Variants in CDH2 observed in about 807,000 individuals in gnomAD.
CDH2 encodes the protein cadherin 2, also known as cadherin-2.
CDH2 carries 17 observed loss-of-function variants against 92.0 expected under a neutral mutation model. The ratio of observed to expected loss-of-function variants is 0.18; its 90% CI spans 0.13 to 0.28. The LOEUF (loss-of-function observed/expected upper bound fraction) is 0.28. Ranked by LOEUF, CDH2 falls within the 10% of genes least tolerant of loss-of-function variation. The pLI, the probability that CDH2 is intolerant of heterozygous loss-of-function variation, is 1.00. For synonymous variants in CDH2, 419 were observed against 415.9 expected (o/e 1.01, Z -0.09); for missense variants, 862 against 1,133.1 (o/e 0.76, Z 3.44).
chr18:28,091,819 C>T (rs1033946514), intron 2 of CDH2, among the ~76,000 whole-genome samples: 13 of 152,074 alleles, frequency 8.5e-5, no homozygotes, highest in African/African-American at 3.1e-4. Flanking sequence ...CATCCCCCCA[C>T]CCCACCACCG....
chr18:28,006,108 G>A (rs2012909356), intron 5 of CDH2, 115 bp from the exon 6 acceptor site: 1 of 803,550 alleles, frequency 1.2e-6, no homozygotes, highest in African/African-American at 1.7e-5. Flanking sequence ...AAAAACAAAA[G>A]CGGTTCTTCC....
intron 2 of CDH2, among the ~76,000 whole-genome samples, chr18:28,080,910 C>T (rs983524593): frequency 2.0e-5 from 3 of 152,172 alleles, no homozygotes; most frequent in African/African-American, 7.2e-5. Context: ...CACCTATTAA[C>T]TACTGGAAAG....
At chr18:27,950,172 T>C (rs970052519), downstream of CDH2, among the ~76,000 whole-genome samples, 1 of 152,086 alleles carries the variant, frequency 6.6e-6, no homozygotes, top group Non-Finnish European at 1.5e-5. Context: ...AGTGAATCAA[T>C]AGAAAAGTAA....
At chr18:27,943,261 T>A (rs903056867) in intron 6 of CDH2, among the ~76,000 whole-genome samples, 1 of 152,186 alleles carries the variant, frequency 6.6e-6, no homozygotes, top group African/African-American at 2.4e-5. Context: ...CTTCTAGAGA[T>A]AAGTAAGTGT....
At chr18:28,147,537 T>C (rs2016054221) in intron 2 of CDH2, 136 bp downstream of exon 2, 1 of 488,860 alleles carries the variant, frequency 2.0e-6, no homozygotes, top group Admixed American at 3.8e-5. Context: ...TAAAATAAAG[T>C]CCCTACAGTC....
chr18:28,130,369 A>C (rs2015746576), intron 2 of CDH2, among the ~76,000 whole-genome samples: 1 of 152,224 alleles, frequency 6.6e-6, no homozygotes, highest in African/African-American at 2.4e-5. Context: ...TTATTGCTAT[A>C]ATTTAGAAAG....
intron 2 of CDH2, among the ~76,000 whole-genome samples, chr18:28,016,445 GAACA>G (rs1241483058): frequency 6.7e-6 from 1 of 149,858 alleles, no homozygotes; most frequent in Admixed American, 6.8e-5. Context: ...ACAAACAAAT[GAACA>G]AACAAAACCC....
chr18:27,942,829 T>C (rs922898726), intron 6 of CDH2, among the ~76,000 whole-genome samples: 9 of 152,150 alleles, frequency 5.9e-5, no homozygotes, highest in African/African-American at 2.2e-4. Flanking sequence ...AGATTGTCCA[T>C]AGTGGCTGTG....
chr18:27,950,126 A>C (rs1909378192), downstream of CDH2, among the ~76,000 whole-genome samples: 1 of 152,128 alleles, frequency 6.6e-6, no homozygotes, highest in Admixed American at 6.5e-5. Context: ...CTGGCATTTA[A>C]TGATTAGAAA....
intron 2 of CDH2, among the ~76,000 whole-genome samples, chr18:28,108,027 A>ATT (rs1202604420): frequency 6.6e-6 from 1 of 152,184 alleles, no homozygotes; most frequent in African/African-American, 2.4e-5. Context: ...ATTAAACCCA[A>ATT]TTATCTGGCG....
At chr18:28,036,605 G>C (rs914270290) in intron 2 of CDH2, 8 of 1,193,720 alleles carry the variant, frequency 6.7e-6, no homozygotes, top group Non-Finnish European at 9.8e-6. Flanking sequence ...AGTCATAATA[G>C]GTATGTCAGA....
rs543110192 is a variant in CDH2, at chr18:28,074,794, A to G, written c.173-60885T>C. On this transcript the variant is annotated intron_variant, in intron 2 of 15. Coordinates refer to ENST00000269141, the MANE Select transcript of CDH2 (RefSeq NM_001792.5). ...GGCTAAAAATTATGGGGTTCAGCCT[A>G]ATCATTAAAAAAAAATCTTGTCAAA... is the stretch of plus-strand genomic sequence containing the variant. 2.6e-5 allele frequency among the ~76,000 whole-genome samples: 4 copies of G among 152,020 alleles called. No individual in the cohort carries two copies. In the South Asian group the frequency reaches 8.3e-4, roughly 32 times the overall value.
intron 2 of CDH2, among the ~76,000 whole-genome samples, chr18:28,039,390 G>GA (rs766858960): frequency 1.3e-5 from 2 of 152,110 alleles, no homozygotes; most frequent in Non-Finnish European, 2.9e-5. Context: ...GGACTTGGGA[G>GA]ACTGGTATTG....
At chr18:27,945,577 A>G (rs1422414549) in intron 6 of CDH2, among the ~76,000 whole-genome samples, 1 of 152,104 alleles carries the variant, frequency 6.6e-6, no homozygotes, top group Non-Finnish European at 1.5e-5. Flanking sequence ...AAATCAAAAC[A>G]TAAAGCTACA....
chr18:27,991,499 T>C (rs1040536725), intron 9 of CDH2, among the ~76,000 whole-genome samples: 8 of 152,180 alleles, frequency 5.3e-5, no homozygotes, highest in African/African-American at 1.9e-4. Context: ...ACACGAAACC[T>C]TCCCCTGATG....
chr18:27,957,960 G>T (rs1264093687), intron 15 of CDH2, among the ~76,000 whole-genome samples: 1 of 152,012 alleles, frequency 6.6e-6, no homozygotes, highest in Non-Finnish European at 1.5e-5. Context: ...ACTCCTAAAA[G>T]GTAATTTACC....
intron 2 of CDH2, among the ~76,000 whole-genome samples, chr18:28,072,167 C>T (rs190504418): frequency 1.8e-4 from 28 of 152,196 alleles, no homozygotes; most frequent in Admixed American, 9.2e-4. Flanking sequence ...CATTTTCGTG[C>T]GTTTTCCTTA....
intron 2 of CDH2, among the ~76,000 whole-genome samples, chr18:28,142,339 G>A (rs2015967452): frequency 6.6e-6 from 1 of 151,824 alleles, no homozygotes; most frequent in African/African-American, 2.4e-5. Flanking sequence ...ACTACAAAAG[G>A]ACTTTATAGA....
intron 2 of CDH2, among the ~76,000 whole-genome samples, chr18:28,090,990 T>C (rs528124900): frequency 1.3e-4 from 20 of 152,304 alleles, no homozygotes; most frequent in Non-Finnish European, 2.6e-4. Context: ...TACAAGATAA[T>C]ACCTAATATG....
Sources: gnomAD v4.1 joint callset for allele counts (sites outside exome capture counted in the v4.1 genomes callset) on GRCh38, gnomAD v4.1.1 for gene constraint, MANE v1.5 for transcripts, NCBI Gene and HGNC (gene_info 2026-07-23, HGNC 2026-07-21) for gene names.